ATP12A: variants seen among roughly 807,000 people sequenced by gnomAD.
ATP12A encodes potassium-transporting ATPase alpha chain 2.
A neutral mutation model predicts 111.2 loss-of-function variants in ATP12A; 81 were observed. That is an observed-to-expected ratio of 0.73 (90% CI 0.61 to 0.88). The LOEUF (loss-of-function observed/expected upper bound fraction) is 0.88. Among genes scored for constraint, ATP12A ranks in the 40% least tolerant of loss-of-function variants. The pLI is 0.00. For synonymous variants in ATP12A, 498 were observed against 499.8 expected (o/e 1.00, Z 0.05); for missense variants, 1,196 against 1,313.1 (o/e 0.91, Z 1.38).
chr13:24,711,631 A>T lies in ATP12A; in HGVS notation c.*109A>T. ...CAGTGCAGACATCGTCAAAATTCAG[A>T]CAAGAGGAAATTTTCATGCAGAAAG... On this transcript the variant is annotated 3_prime_UTR_variant, in exon 23 of 23. Coordinates refer to ENST00000381946, the MANE Select transcript of ATP12A (RefSeq NM_001676.7). 6.8e-7 allele frequency: 1 copy of T among 1,475,942 alleles called. No homozygotes were observed. The highest frequency in any genetic ancestry group is 9.3e-7 in the Non-Finnish European group (1 of 1,071,676). 91.4% of individuals were successfully genotyped at this position (1,475,942 alleles called of 1,614,324 possible).
intron 8 of ATP12A, 50 bp downstream of exon 8, chr13:24,691,300 C>G (rs374304611): frequency 1.9e-6 from 3 of 1,561,408 alleles, no homozygotes; most frequent in Admixed American, 3.5e-5. Context: ...GGACACAGCA[C>G]TGGTGCTGGG....
intron 1 of ATP12A, among the ~76,000 whole-genome samples, chr13:24,681,222 C>T (rs1874417514): frequency 2.0e-5 from 3 of 151,808 alleles, no homozygotes. Context: ...CCTAAGGAAC[C>T]TCGAGGTTCT....
In ATP12A at chr13:24,690,330, T is replaced by G; in HGVS notation, c.547-8T>G. The G allele has an allele frequency of 6.2e-7, 1 of 1,613,222 alleles. No homozygotes were observed. The highest frequency in any genetic ancestry group is 1.3e-5 in the African/African-American group (1 of 74,762). ...GTCTGAGGCATCTGTCATGGTTTTTTTCTGCAGCAAGCTCTCGTCATCCGA... is the reference window on the plus strand; with the variant it reads ...GTCTGAGGCATCTGTCATGGTTTTTGTCTGCAGCAAGCTCTCGTCATCCGA... On this transcript the variant is annotated splice_region_variant and splice_polypyrimidine_tract_variant and intron_variant, in intron 5 of 22. Transcript: ENST00000381946.
chr13:24,688,645 G>A, intron 4 of ATP12A, 123 bp downstream of exon 4: 1 of 1,000,026 alleles, frequency 1.0e-6, no homozygotes, highest in Non-Finnish European at 1.4e-6. Flanking sequence ...TTTCCCAGCT[G>A]TAAAACAGAA....
At chr13:24,686,794 T>C (rs952730030) in intron 3 of ATP12A, among the ~76,000 whole-genome samples, 2 of 137,748 alleles carry the variant, frequency 1.5e-5, no homozygotes, top group Admixed American at 7.7e-5. Context: ...AAGAAAGAAA[T>C]TGCAGAGAGA....
At position 24,680,477 on chromosome 13, in the gene ATP12A, A is replaced by G. The variant is rs1874384307; in HGVS notation, c.-267A>G. ...CTGCGCGCGCGCCGGCGGGTTTCCT[A>G]CCCTCCGAGGCGTCCGCTGGCCTGC... On this transcript the variant is annotated 5_prime_UTR_variant, in exon 1 of 23. Transcript: ENST00000381946. 1 of 433,918 alleles carries G rather than the reference A, an allele frequency of 2.3e-6. No homozygotes were observed. The highest frequency in any genetic ancestry group is 4.1e-6 in the Non-Finnish European group (1 of 246,396). The allele number at this position is 433,918 out of a possible 1,614,324, so 26.9% of individuals were successfully genotyped here.
At chr13:24,708,878 G>GAAAGAGAA (rs1345220439) in intron 17 of ATP12A, among the ~76,000 whole-genome samples, 3 of 117,620 alleles carry the variant, frequency 2.6e-5, no homozygotes, top group Admixed American at 8.9e-5. Context: ...AAGAGAAAGA[G>GAAAGAGAA]AGAGAAAGAG....
chr13:24,701,501 C>CAAAAAAAAA (rs10586421), intron 13 of ATP12A, among the ~76,000 whole-genome samples: 3 of 101,390 alleles, frequency 3.0e-5, no homozygotes, highest in African/African-American at 7.4e-5. Flanking sequence ...AACTCTGTCT[C>CAAAAAAAAA]AAAAAAAAAA....
intron 9 of ATP12A, 30 bp from the exon 10 acceptor site, chr13:24,692,757 A>G: frequency 6.2e-7 from 1 of 1,610,550 alleles, no homozygotes; most frequent in Non-Finnish European, 8.5e-7. Flanking sequence ...CCCAACCCAC[A>G]GCAGCCACTG....
chr13:24,692,899 A>C lies in ATP12A; in HGVS notation c.1377+3A>C. ...AGGAAAATGTCCCCATCATGAAGGTAATGCTTCTGCAGCACTTGGTCTTAA... is the reference window on the plus strand; with the variant it reads ...AGGAAAATGTCCCCATCATGAAGGTCATGCTTCTGCAGCACTTGGTCTTAA... On this transcript the variant is annotated splice_donor_region_variant and intron_variant, in intron 10 of 22. Coordinates refer to ENST00000381946, the MANE Select transcript of ATP12A (RefSeq NM_001676.7). The C allele has an allele frequency of 2.5e-6, 4 of 1,612,106 alleles. No homozygotes were observed. Among genetic ancestry groups the C allele is most frequent in the Non-Finnish European group, 3.4e-6 (4 of 1,178,176 alleles).
chr13:24,694,307 G>A (rs9553421), intron 10 of ATP12A, 137 bp from the exon 11 acceptor site: 277,316 of 1,121,380 alleles, frequency 0.25, 37,526 homozygotes, highest in East Asian at 0.5. Context: ...ACGGTCTTGC[G>A]GCCCTCCCTG....
intron 2 of ATP12A, 76 bp downstream of exon 2, chr13:24,681,796 T>C: frequency 6.5e-7 from 1 of 1,549,740 alleles, no homozygotes; most frequent in Non-Finnish European, 8.8e-7. Flanking sequence ...AACCCACCTC[T>C]TACCACAGAC....
chr13:24,701,300 C>A (rs1236384074), intron 13 of ATP12A, among the ~76,000 whole-genome samples: 1 of 151,978 alleles, frequency 6.6e-6, no homozygotes, highest in African/African-American at 2.4e-5. Flanking sequence ...GAGTTCCAGA[C>A]CAGCCATGGC....
At chr13:24,709,902 G>T (rs574471969) in intron 19 of ATP12A, 74 bp downstream of exon 19, 4 of 1,578,014 alleles carry the variant, frequency 2.5e-6, no homozygotes, top group African/African-American at 2.7e-5. Flanking sequence ...GAATTACATA[G>T]AACCTCCATG....
chr13:24,708,808 GAGAA>G (rs1361353710), intron 17 of ATP12A, among the ~76,000 whole-genome samples: 16 of 147,272 alleles, frequency 1.1e-4, no homozygotes, highest in Non-Finnish European at 2.3e-4. Flanking sequence ...TTTTAAAAAA[GAGAA>G]AGAAAGAAAG....
Position 24,690,642 on chromosome 13 carries a change from G to A in ATP12A, c.720G>A (p.Gln240=). Reference sequence around the variant, plus strand: ...CTCTCACGGGGGAGTCTGAGCCCCAGCCCCGCTCCTCTGAGTTTACCCATG... The same window carrying A: ...CTCTCACGGGGGAGTCTGAGCCCCAACCCCGCTCCTCTGAGTTTACCCATG... ...NSSLTGESEP[Q]PRSSEFTHEN... The change falls in exon 7 of 23, where the codon CAG becomes CAA. Residue 240 remains glutamine, a synonymous_variant. Coordinates refer to ENST00000381946, the MANE Select transcript of ATP12A (RefSeq NM_001676.7). The A allele has an allele frequency of 6.2e-7, 1 of 1,613,790 alleles. No homozygotes were observed. Among genetic ancestry groups the A allele is most frequent in the East Asian group, 2.2e-5 (1 of 44,880 alleles).
rs1874392319 is a variant in ATP12A, at chr13:24,680,613, C to G, written c.-131C>G. Reference sequence around the variant, plus strand: ...GTGCGTGCAGGGCCCGCGCCGCCGCCGGTATCTCCACCGCCAACACCTCAG... The same window carrying G: ...GTGCGTGCAGGGCCCGCGCCGCCGCGGGTATCTCCACCGCCAACACCTCAG... On this transcript the variant is annotated 5_prime_UTR_variant, in exon 1 of 23. Coordinates refer to ENST00000381946, the MANE Select transcript of ATP12A (RefSeq NM_001676.7). The G allele has an allele frequency of 9.0e-7, 1 of 1,105,748 alleles. No individual in the cohort carries two copies. Among genetic ancestry groups the G allele is most frequent in the Non-Finnish European group, 1.3e-6 (1 of 798,556 alleles). 68.5% of individuals were successfully genotyped at this position (1,105,748 alleles called of 1,614,324 possible). A position where few individuals can be genotyped will look rare whatever the true frequency, so the allele number is the denominator to read the frequency against.
intron 14 of ATP12A, among the ~76,000 whole-genome samples, chr13:24,703,824 C>T (rs1322412454): frequency 6.7e-6 from 1 of 148,198 alleles, no homozygotes; most frequent in Non-Finnish European, 1.5e-5. Flanking sequence ...TGTCACTGCA[C>T]CCAGCTTCAT....
chr13:24,680,928 T>C (rs1280456215), intron 1 of ATP12A, among the ~76,000 whole-genome samples, 176 bp downstream of exon 1: 2 of 152,210 alleles, frequency 1.3e-5, no homozygotes, highest in African/African-American at 4.8e-5. Flanking sequence ...CTTCTCTGAC[T>C]CCCCGCCACG....
Sources: allele counts gnomAD v4.1 joint callset (sites outside exome capture counted in the v4.1 genomes callset), GRCh38; gene constraint gnomAD v4.1.1; transcripts MANE v1.5; gene names NCBI Gene and HGNC (gene_info 2026-07-23, HGNC 2026-07-21).